The following NTM variants were observed in gnomAD, a reference collection of about 807,000 sequenced individuals.
NTM encodes the protein neurotrimin.
Under a neutral mutation model 42.1 loss-of-function variants are expected in NTM, and 13 were observed. The observed-to-expected ratio is 0.31, with a 90% CI of 0.20 to 0.49. The LOEUF is 0.49. NTM is among the 20% of genes least tolerant of loss of function. The pLI, the probability that NTM is intolerant of heterozygous loss-of-function variation, is 0.99. For missense variants in NTM, 373 were observed against 452.8 expected, an observed-to-expected ratio of 0.82 and a Z score of 1.60; for synonymous variants, 187 against 179.2, an observed-to-expected ratio of 1.04 and a Z score of -0.35.
intron 3 of NTM, among the ~76,000 whole-genome samples, chr11:132,158,935 C>T (rs1047074072): frequency 3.9e-5 from 6 of 152,290 alleles, no homozygotes; most frequent in Non-Finnish European, 7.3e-5. Flanking sequence ...ATGATAGAGG[C>T]GCACCACAGC....
chr11:132,192,875 T>G (rs1256331141), intron 3 of NTM, among the ~76,000 whole-genome samples: 1 of 152,148 alleles, frequency 6.6e-6, no homozygotes, highest in Non-Finnish European at 1.5e-5. Flanking sequence ...AAAACAGATT[T>G]TAAACCAAAG....
chr11:132,167,676 A>G lies in NTM; in HGVS notation c.400+21162A>G, dbSNP rs549361058. Among the ~76,000 whole-genome samples the G allele has an allele frequency of 1.3e-4, 20 of 152,308 alleles. No individual in the cohort carries two copies. The South Asian group carries it at 3.9e-3, about 30-fold the overall frequency. On this transcript the variant is annotated intron_variant, in intron 3 of 8. Coordinates refer to ENST00000683400, the MANE Select transcript of NTM (RefSeq NM_001352005.2). ...GATCCTTAGATGAAGGGAAGGCACA[A>G]TAACTCAAAATAATGTATTGTATTA...
At chr11:131,808,271 G>C (rs955266986) in intron 1 of NTM, among the ~76,000 whole-genome samples, 2 of 152,210 alleles carry the variant, frequency 1.3e-5, no homozygotes, top group Admixed American at 1.3e-4. Context: ...TTTGCACAGG[G>C]TCCTAAGATA....
intron 1 of NTM, among the ~76,000 whole-genome samples, chr11:131,394,193 A>G (rs560748818): frequency 5.6e-4 from 85 of 152,330 alleles, no homozygotes; most frequent in African/African-American, 1.8e-3. Flanking sequence ...AGAAGTGTCC[A>G]TGATTCCCAG....
intron 4 of NTM, among the ~76,000 whole-genome samples, chr11:132,221,483 T>G (rs2085150243): frequency 6.6e-6 from 1 of 152,130 alleles, no homozygotes; most frequent in South Asian, 2.1e-4. Context: ...AGCCAGGTAG[T>G]CGGTCTGTCC....
At chr11:131,383,991 A>T (rs1422744871) in intron 1 of NTM, among the ~76,000 whole-genome samples, 1 of 152,154 alleles carries the variant, frequency 6.6e-6, no homozygotes, top group Non-Finnish European at 1.5e-5. Flanking sequence ...TTGGAGATGG[A>T]CGGGGAAGAA....
At chr11:132,123,821 C>G (rs940393624) in intron 2 of NTM, among the ~76,000 whole-genome samples, 5 of 152,100 alleles carry the variant, frequency 3.3e-5, no homozygotes, top group Non-Finnish European at 5.9e-5. Context: ...AGTTAGGTTC[C>G]TACGTGTGCA....
intron 1 of NTM, among the ~76,000 whole-genome samples, chr11:131,746,397 G>A (rs2081836924): frequency 6.6e-6 from 1 of 152,122 alleles, no homozygotes; most frequent in Admixed American, 6.6e-5. Flanking sequence ...CTTGTGTGTA[G>A]GAAAATGATG....
intron 1 of NTM, among the ~76,000 whole-genome samples, chr11:131,454,110 T>C (rs182386220): frequency 5.1e-4 from 78 of 152,338 alleles, no homozygotes; most frequent in African/African-American, 1.8e-3. Flanking sequence ...TTATTTTCCA[T>C]AGTTTCAGTT....
At chr11:131,371,157 C>T in intron 1 of NTM, 14 of 942,590 alleles carry the variant, frequency 1.5e-5, no homozygotes, top group Non-Finnish European at 1.6e-5. Flanking sequence ...GTGCAAGGCT[C>T]CCTGGCTTCA....
intron 1 of NTM, among the ~76,000 whole-genome samples, chr11:131,576,156 C>T (rs1349538295): frequency 1.3e-5 from 2 of 152,108 alleles, no homozygotes; most frequent in African/African-American, 2.4e-5. Context: ...AGGGAAGGAC[C>T]CAGCCCCCAG....
At chr11:131,997,640 C>T (rs1009109031) in intron 2 of NTM, among the ~76,000 whole-genome samples, 1 of 152,090 alleles carries the variant, frequency 6.6e-6, no homozygotes, top group African/African-American at 2.4e-5. Context: ...GTGTTTCTCT[C>T]CATTTTCTTT....
At chr11:132,249,937 A>G (rs139377753) in intron 4 of NTM, among the ~76,000 whole-genome samples, 39 of 152,366 alleles carry the variant, frequency 2.6e-4, no homozygotes, top group Non-Finnish European at 4.4e-4. Flanking sequence ...ATTGTTTTAA[A>G]TGATTTTCAC....
chr11:131,823,968 A>G (rs1438210418), intron 1 of NTM, among the ~76,000 whole-genome samples: 1 of 152,228 alleles, frequency 6.6e-6, no homozygotes, highest in African/African-American at 2.4e-5. Context: ...GTGTATGATT[A>G]CAGTGTTGGT....
chr11:131,805,709 A>G (rs1360300101), intron 1 of NTM, among the ~76,000 whole-genome samples: 1 of 152,206 alleles, frequency 6.6e-6, no homozygotes, highest in Non-Finnish European at 1.5e-5. Flanking sequence ...GCATATTCAT[A>G]CACTTCTTTA....
chr11:132,288,238 C>T (rs903948922), intron 4 of NTM, among the ~76,000 whole-genome samples: 2 of 152,120 alleles, frequency 1.3e-5, no homozygotes, highest in Admixed American at 6.5e-5. Flanking sequence ...AGCCAAGACA[C>T]GTGCAGGCTT....
chr11:131,957,014 C>G (rs1259439533), intron 2 of NTM, among the ~76,000 whole-genome samples: 1 of 151,832 alleles, frequency 6.6e-6, no homozygotes, highest in Non-Finnish European at 1.5e-5. Context: ...CTCATTTAAT[C>G]CTGTTAATCA....
At position 132,336,225 on chromosome 11, in the gene NTM, G is replaced by A. The variant is rs1030710719; in HGVS notation, c.*1079G>A. Reference sequence around the variant, plus strand: ...AGAGTTCTAGCCATTTTATTTCTCCGCAGGGTCCTTTCTCAGACATTACTG... The same window carrying A: ...AGAGTTCTAGCCATTTTATTTCTCCACAGGGTCCTTTCTCAGACATTACTG... On this transcript the variant is annotated 3_prime_UTR_variant, in exon 9 of 9. Coordinates refer to ENST00000683400, the MANE Select transcript of NTM (RefSeq NM_001352005.2). 3.3e-5 allele frequency: 5 copies of A among 152,332 alleles called. No individual in the cohort carries two copies. Among genetic ancestry groups the A allele is most frequent in the South Asian group, 2.1e-4 (1 of 4,792 alleles). The allele number at this position is 152,332 out of a possible 1,614,324, so 9.4% of individuals were successfully genotyped here.
chr11:131,486,180 TG>T lies in NTM; in HGVS notation c.82+115295del, dbSNP rs574772874. Among the ~76,000 whole-genome samples, 11 of 152,248 alleles carry T rather than the reference TG, an allele frequency of 7.2e-5. No individual in the cohort carries two copies. In the South Asian group the frequency reaches 2.1e-3, roughly 29 times the overall value. On this transcript the variant is annotated intron_variant, in intron 1 of 8. Transcript: ENST00000683400. ...GATAATGATAATAGCAGCATTACTG[TG>T]GGTGTTCAGAAAAGAAGACAAACAC...
Sources: allele counts gnomAD v4.1 joint callset (sites outside exome capture counted in the v4.1 genomes callset), GRCh38; gene constraint gnomAD v4.1.1; transcripts MANE v1.5; gene names NCBI Gene and HGNC (gene_info 2026-07-23, HGNC 2026-07-21).